MCOLN2: variants seen among roughly 807,000 people sequenced by gnomAD.
The protein encoded by MCOLN2 is mucolipin TRP cation channel 2.
MCOLN2 carries 57 observed loss-of-function variants against 67.5 expected under a neutral mutation model. The ratio of observed to expected loss-of-function variants is 0.84; its 90% CI spans 0.68 to 1.05. MCOLN2 has a LOEUF of 1.05. MCOLN2 is among the 50% of genes least tolerant of loss of function. The pLI is 0.00. For missense variants in MCOLN2, 620 were observed against 678.8 expected, an observed-to-expected ratio of 0.91 and a Z score of 0.96; for synonymous variants, 246 against 233.3, an observed-to-expected ratio of 1.05 and a Z score of -0.50.
At chr1:84,962,600 C>A (rs1472596811) in intron 2 of MCOLN2, among the ~76,000 whole-genome samples, 2 of 152,020 alleles carry the variant, frequency 1.3e-5, no homozygotes, top group African/African-American at 4.8e-5. Context: ...CCAAAGAAAA[C>A]CATGTGCTGG....
intron 1 of MCOLN2, among the ~76,000 whole-genome samples, chr1:84,976,914 T>G (rs1571026135): frequency 6.6e-6 from 1 of 152,180 alleles, no homozygotes; most frequent in Non-Finnish European, 1.5e-5. Context: ...CAAAACTCAC[T>G]GGTATCAGAA....
At chr1:84,948,237 C>T (rs1648223517) in intron 6 of MCOLN2, among the ~76,000 whole-genome samples, 1 of 152,240 alleles carries the variant, frequency 6.6e-6, no homozygotes, top group Non-Finnish European at 1.5e-5. Context: ...TCCAGCCCGA[C>T]AACAAGTCTG....
intron 1 of MCOLN2, among the ~76,000 whole-genome samples, chr1:84,994,287 G>C (rs2102897506): frequency 6.6e-6 from 1 of 152,294 alleles, no homozygotes; most frequent in Admixed American, 6.5e-5. Flanking sequence ...AAAGTCACCA[G>C]CTGTACTAGT....
intron 12 of MCOLN2, among the ~76,000 whole-genome samples, chr1:84,930,811 G>A (rs532019712): frequency 6.6e-6 from 1 of 152,252 alleles, no homozygotes; most frequent in South Asian, 2.1e-4. Flanking sequence ...CAGCACCCAA[G>A]GAAGTGAAAT....
intron 11 of MCOLN2, among the ~76,000 whole-genome samples, chr1:84,933,614 T>C (rs1570946838): frequency 1.3e-5 from 2 of 152,362 alleles, no homozygotes; most frequent in East Asian, 1.9e-4. Flanking sequence ...TCTATGGATG[T>C]CAACTACAAC....
At chr1:84,979,575 A>C (rs899721250) in intron 1 of MCOLN2, among the ~76,000 whole-genome samples, 1 of 152,236 alleles carries the variant, frequency 6.6e-6, no homozygotes, top group African/African-American at 2.4e-5. Context: ...AATAAAAACA[A>C]TATGATCATT....
intron 1 of MCOLN2, among the ~76,000 whole-genome samples, chr1:84,992,086 T>G (rs1376175163): frequency 6.6e-6 from 1 of 152,214 alleles, no homozygotes; most frequent in African/African-American, 2.4e-5. Flanking sequence ...CAACTCAGTT[T>G]CATGTTGGTG....
At chr1:84,987,670 GTATAT>G (rs1650684601) in intron 1 of MCOLN2, among the ~76,000 whole-genome samples, 2 of 120,076 alleles carry the variant, frequency 1.7e-5, no homozygotes, top group Non-Finnish European at 1.8e-5. Context: ...ATGTATATAT[GTATAT>G]AGATATATAG....
At chr1:84,946,167 C>A (rs576385731) in intron 7 of MCOLN2, among the ~76,000 whole-genome samples, 33 of 152,292 alleles carry the variant, frequency 2.2e-4, no homozygotes, top group African/African-American at 7.2e-4. Context: ...TCCCCACTGT[C>A]CAAGGCTCAG....
In MCOLN2 at chr1:84,978,990, A is replaced by G. The variant is rs554776915; in HGVS notation, c.78-13282T>C. Among the ~76,000 whole-genome samples, 9 of 152,210 alleles carry G rather than the reference A, an allele frequency of 5.9e-5. No homozygotes were observed. In the South Asian group the frequency reaches 1.9e-3, roughly 32 times the overall value. On this transcript the variant is annotated intron_variant, in intron 1 of 13. Coordinates refer to ENST00000370608, the MANE Select transcript of MCOLN2 (RefSeq NM_153259.4). ...GGGCTGCAAGCATCCAGCATGGGAG[A>G]AAGACATAGGGTGGAAGACTAGGCC...
At chr1:84,961,308 C>T (rs1057351929) in intron 2 of MCOLN2, among the ~76,000 whole-genome samples, 1 of 152,006 alleles carries the variant, frequency 6.6e-6, no homozygotes, top group Non-Finnish European at 1.5e-5. Flanking sequence ...CCATTCCTCC[C>T]ACATTAATAG....
chr1:84,925,616 TATATC>T lies in MCOLN2; in HGVS notation c.*1064_*1068del, dbSNP rs1163799835. 2 of 152,064 alleles carry T rather than the reference TATATC, an allele frequency of 1.3e-5. No homozygotes were observed. The highest frequency in any genetic ancestry group is 2.9e-5 in the Non-Finnish European group (2 of 68,018). 9.4% of individuals were successfully genotyped at this position (152,064 alleles called of 1,614,324 possible). On this transcript the variant is annotated 3_prime_UTR_variant, in exon 14 of 14. Coordinates refer to ENST00000370608, the MANE Select transcript of MCOLN2 (RefSeq NM_153259.4). ...TGAAAATAAATTTATTTAGAGAAAA[TATATC>T]ATATTTCTTTTCTAGACAAAGGTAA... is the stretch of plus-strand genomic sequence containing the variant.
Position 84,925,727 on chromosome 1 carries a change from T to C in MCOLN2, c.*958A>G, listed in dbSNP as rs1005528837. ...CTTCCACATGTCATGTGTGTACAAC[T>C]GACCATTAGCACAAGTGACGAGGCA... On this transcript the variant is annotated 3_prime_UTR_variant, in exon 14 of 14. Transcript: ENST00000370608. The C allele has an allele frequency of 6.6e-6, 1 of 152,204 alleles. No homozygotes were observed. The highest frequency in any genetic ancestry group is 1.5e-5 in the Non-Finnish European group (1 of 68,044). The allele number at this position is 152,204 out of a possible 1,614,324, so 9.4% of individuals were successfully genotyped here. A position where few individuals can be genotyped will look rare whatever the true frequency, so the allele number is the denominator to read the frequency against.
At chr1:84,944,262 C>T (rs1382672153) in intron 7 of MCOLN2, among the ~76,000 whole-genome samples, 7 of 152,168 alleles carry the variant, frequency 4.6e-5, no homozygotes, top group East Asian at 1.9e-4. Flanking sequence ...TGGCCAGGCG[C>T]GGTGGCTCAC....
intron 7 of MCOLN2, among the ~76,000 whole-genome samples, chr1:84,943,130 C>T (rs1482616287): frequency 6.6e-6 from 1 of 152,034 alleles, no homozygotes; most frequent in Non-Finnish European, 1.5e-5. Context: ...GAACATAAGA[C>T]CACTGAATAA....
At chr1:84,943,241 G>A (rs113538695) in intron 7 of MCOLN2, among the ~76,000 whole-genome samples, 60 of 152,148 alleles carry the variant, frequency 3.9e-4, no homozygotes, top group African/African-American at 1.4e-3. Context: ...GTCTCTAACT[G>A]GACTTGGGGA....
intron 1 of MCOLN2, among the ~76,000 whole-genome samples, chr1:84,973,630 G>A (rs1401655438): frequency 6.6e-6 from 1 of 152,036 alleles, no homozygotes; most frequent in South Asian, 2.1e-4. Context: ...GTTTTATGTG[G>A]GCCCACTTAA....
At chr1:84,992,011 G>T (rs886571010) in intron 1 of MCOLN2, among the ~76,000 whole-genome samples, 7 of 152,122 alleles carry the variant, frequency 4.6e-5, no homozygotes, top group African/African-American at 1.2e-4. Context: ...CTAAGGAAAA[G>T]AAATTATAAA....
chr1:84,945,858 T>A (rs971135663), intron 7 of MCOLN2, among the ~76,000 whole-genome samples: 28 of 152,212 alleles, frequency 1.8e-4, no homozygotes, highest in Admixed American at 1.6e-3. Flanking sequence ...GCAATTCTCC[T>A]GCCTCAGCCT....
Sources: gnomAD v4.1 joint callset for allele counts (sites outside exome capture counted in the v4.1 genomes callset) on GRCh38, gnomAD v4.1.1 for gene constraint, MANE v1.5 for transcripts, NCBI Gene and HGNC (gene_info 2026-07-23, HGNC 2026-07-21) for gene names.